The following GALNTL6 variants were observed in gnomAD, a reference collection of about 807,000 sequenced individuals.
GALNTL6 encodes polypeptide N-acetylgalactosaminyltransferase-like 6.
GALNTL6 carries 46 observed loss-of-function variants against 73.7 expected under a neutral mutation model. That is an observed-to-expected ratio of 0.62 (90% CI 0.49 to 0.80). The LOEUF (loss-of-function observed/expected upper bound fraction) is 0.80, where lower values mean the gene tolerates loss of function less well. Among genes scored for constraint, GALNTL6 ranks in the 30% least tolerant of loss-of-function variants. The pLI is 0.00. For missense variants in GALNTL6, 604 were observed against 755.0 expected, an observed-to-expected ratio of 0.80 and a Z score of 2.34; for synonymous variants, 259 against 263.7, an observed-to-expected ratio of 0.98 and a Z score of 0.17.
intron 5 of GALNTL6, among the ~76,000 whole-genome samples, chr4:172,575,430 G>T (rs1736925773): frequency 6.6e-6 from 1 of 152,076 alleles, no homozygotes; most frequent in South Asian, 2.1e-4. Flanking sequence ...ATCCTTTATG[G>T]TTATTCAATA....
At chr4:171,953,473 T>C (rs1384559732) in intron 2 of GALNTL6, among the ~76,000 whole-genome samples, 3 of 152,018 alleles carry the variant, frequency 2.0e-5, no homozygotes, top group African/African-American at 7.2e-5. Context: ...TGCAAATAGG[T>C]GAAAAAGAGA....
intron 5 of GALNTL6, among the ~76,000 whole-genome samples, chr4:172,603,756 G>A (rs890995534): frequency 2.0e-5 from 3 of 152,086 alleles, no homozygotes; most frequent in East Asian, 1.9e-4. Flanking sequence ...ATATGTCAAT[G>A]CTTGATTCCA....
chr4:172,616,373 A>T (rs150013008), intron 5 of GALNTL6, among the ~76,000 whole-genome samples: 176 of 152,200 alleles, frequency 1.2e-3, no homozygotes, highest in African/African-American at 3.6e-3. Context: ...GTTGCTGAAC[A>T]TCTGCAGAGG....
chr4:171,922,955 A>C (rs565598319), intron 2 of GALNTL6, among the ~76,000 whole-genome samples: 1 of 152,110 alleles, frequency 6.6e-6, no homozygotes, highest in Admixed American at 6.6e-5. Context: ...GTATTTACTT[A>C]CTCCAAAACC....
chr4:172,433,441 G>C (rs895366317), intron 5 of GALNTL6, among the ~76,000 whole-genome samples: 2 of 152,062 alleles, frequency 1.3e-5, no homozygotes, highest in Non-Finnish European at 2.9e-5. Context: ...TACCCACCCA[G>C]GCAGGATTCC....
chr4:172,206,300 G>A (rs973395778), intron 2 of GALNTL6, among the ~76,000 whole-genome samples: 34 of 152,064 alleles, frequency 2.2e-4, no homozygotes, highest in African/African-American at 6.0e-4. Context: ...AAATTATGTG[G>A]ATACAGGGAG....
At chr4:172,409,247 C>A (rs1376109213) in intron 5 of GALNTL6, among the ~76,000 whole-genome samples, 2 of 151,850 alleles carry the variant, frequency 1.3e-5, no homozygotes, top group East Asian at 3.9e-4. Context: ...GTAAGATATT[C>A]CAATTAACCA....
At chr4:171,849,355 A>G (rs896020087) in intron 2 of GALNTL6, among the ~76,000 whole-genome samples, 2 of 152,198 alleles carry the variant, frequency 1.3e-5, no homozygotes, top group African/African-American at 2.4e-5. Flanking sequence ...GCCTCTTACT[A>G]TCTTCCTTGA....
chr4:172,406,317 G>A (rs1049546914), intron 5 of GALNTL6, among the ~76,000 whole-genome samples: 1 of 151,858 alleles, frequency 6.6e-6, no homozygotes, highest in African/African-American at 2.4e-5. Flanking sequence ...CCATTGCACT[G>A]CACAGAAATA....
At chr4:172,237,812 C>T (rs1737290577) in intron 3 of GALNTL6, among the ~76,000 whole-genome samples, 1 of 152,056 alleles carries the variant, frequency 6.6e-6, no homozygotes, top group African/African-American at 2.4e-5. Context: ...ATATGACTAG[C>T]CAGTTACCAT....
chr4:172,303,242 C>T (rs906600105), intron 3 of GALNTL6, among the ~76,000 whole-genome samples: 1 of 152,176 alleles, frequency 6.6e-6, no homozygotes, highest in African/African-American at 2.4e-5. Context: ...TTGTGATCCA[C>T]CTGTCTCAGC....
intron 2 of GALNTL6, among the ~76,000 whole-genome samples, chr4:172,180,456 G>T (rs919530953): frequency 1.3e-5 from 2 of 151,672 alleles, no homozygotes; most frequent in Non-Finnish European, 1.5e-5. Flanking sequence ...ATTTTAATTC[G>T]ATCCCATTTG....
chr4:172,973,178 T>A (rs1415890780), intron 10 of GALNTL6, among the ~76,000 whole-genome samples: 1 of 152,208 alleles, frequency 6.6e-6, no homozygotes, highest in African/African-American at 2.4e-5. Context: ...TTAGATGAAG[T>A]ATTGATGATA....
At chr4:172,286,287 G>T (rs1224250066) in intron 3 of GALNTL6, among the ~76,000 whole-genome samples, 1 of 152,116 alleles carries the variant, frequency 6.6e-6, no homozygotes, top group African/African-American at 2.4e-5. Flanking sequence ...CATCAGCCGG[G>T]TGCTACACAG....
intron 5 of GALNTL6, among the ~76,000 whole-genome samples, chr4:172,379,536 CAAAAAAAAAAA>C (rs71592073): frequency 0.03 from 2,298 of 75,702 alleles, 123 homozygotes; most frequent in African/African-American, 0.12. Flanking sequence ...GACTCCGTCT[CAAAAAAAAAAA>C]AAAAAAAAAA....
At chr4:172,537,825 A>T (rs1337922242) in intron 5 of GALNTL6, among the ~76,000 whole-genome samples, 1 of 152,254 alleles carries the variant, frequency 6.6e-6, no homozygotes, top group Admixed American at 6.5e-5. Context: ...CCAAGATAAC[A>T]GAAGATTTTG....
chr4:172,642,787 T>G (rs1469335027), intron 5 of GALNTL6, among the ~76,000 whole-genome samples: 1 of 151,964 alleles, frequency 6.6e-6, no homozygotes, highest in African/African-American at 2.4e-5. Flanking sequence ...CATTTCACTA[T>G]GTATAAACAT....
chr4:171,904,551 C>T (rs1028451630), intron 2 of GALNTL6, among the ~76,000 whole-genome samples: 5 of 152,126 alleles, frequency 3.3e-5, no homozygotes, highest in African/African-American at 9.7e-5. Context: ...GAGAATGGAA[C>T]CAAGTTGGAA....
intron 3 of GALNTL6, among the ~76,000 whole-genome samples, chr4:172,300,224 T>C (rs1285125274): frequency 6.6e-6 from 1 of 152,178 alleles, no homozygotes; most frequent in Non-Finnish European, 1.5e-5. Flanking sequence ...ATTTGCTTGG[T>C]AGATCTTCCT....
Sources: gnomAD v4.1 joint callset for allele counts (sites outside exome capture counted in the v4.1 genomes callset) on GRCh38, gnomAD v4.1.1 for gene constraint, MANE v1.5 for transcripts, NCBI Gene and HGNC (gene_info 2026-07-23, HGNC 2026-07-21) for gene names.